The following MRPS30 variants were observed in gnomAD, a reference collection of about 807,000 sequenced individuals.
The protein encoded by MRPS30 is mitochondrial ribosomal protein S30, also known as large ribosomal subunit protein mL65.
Under a neutral mutation model 43.8 loss-of-function variants are expected in MRPS30, and 42 were observed. The ratio of observed to expected loss-of-function variants is 0.96; its 90% CI spans 0.75 to 1.24. The LOEUF is 1.24. Among genes scored for constraint, MRPS30 ranks in the 50% most tolerant of loss-of-function variants. The pLI is 0.00. For synonymous variants in MRPS30, 273 were observed against 228.2 expected, an observed-to-expected ratio of 1.20 and a Z score of -1.77; for missense variants, 638 against 570.0, an observed-to-expected ratio of 1.12 and a Z score of -1.22.
At chr5:44,812,132 T>C (rs1402873473) in intron 3 of MRPS30, 112 bp downstream of exon 3, 3 of 676,508 alleles carry the variant, frequency 4.4e-6, no homozygotes, top group Non-Finnish European at 7.5e-6. Context: ...GAGGTTTACA[T>C]AGTCTATGAG....
chr5:44,813,084 A>G (rs1174095293), intron 3 of MRPS30, 22 bp from the exon 4 acceptor site: 4 of 1,605,432 alleles, frequency 2.5e-6, no homozygotes, highest in Non-Finnish European at 2.5e-6. Context: ...TTCATCTGAA[A>G]TGTTTTTATT....
At chr5:44,814,829 G>T in intron 4 of MRPS30, 84 bp from the exon 5 acceptor site, 9 of 1,279,790 alleles carry the variant, frequency 7.0e-6, no homozygotes, top group South Asian at 1.5e-5. Context: ...GGAGGTATTT[G>T]ATACCCTCTA....
chr5:44,811,900 T>G lies in MRPS30; in HGVS notation c.748-15T>G. On this transcript the variant is annotated splice_polypyrimidine_tract_variant and intron_variant, in intron 2 of 4. Coordinates refer to ENST00000507110, the MANE Select transcript of MRPS30 (RefSeq NM_016640.4). The stretch of plus-strand genomic sequence containing the variant: ...TGTTGCTGTGAATTTAGTATGTCTT[T>G]TCTTTTTCTTTAAGTTTGTGCCATT... 6.9e-7 allele frequency: 1 copy of G among 1,445,238 alleles called. No homozygotes were observed. Among genetic ancestry groups the G allele is most frequent in the Non-Finnish European group, 9.4e-7 (1 of 1,065,614 alleles). 89.5% of individuals were successfully genotyped at this position (1,445,238 alleles called of 1,614,324 possible).
At chr5:44,812,438 G>C (rs1742859393) in intron 3 of MRPS30, among the ~76,000 whole-genome samples, 1 of 152,010 alleles carries the variant, frequency 6.6e-6, no homozygotes, top group Non-Finnish European at 1.5e-5. Context: ...CCCTCATGCA[G>C]CTTATTTTTT....
chr5:44,812,412 G>A (rs1347132222), intron 3 of MRPS30, among the ~76,000 whole-genome samples: 2 of 152,060 alleles, frequency 1.3e-5, no homozygotes, highest in African/African-American at 4.8e-5. Context: ...AATTCATAAT[G>A]TCTGATGTCT....
chr5:44,808,985 G>A lies in MRPS30; in HGVS notation c.23G>A (p.Arg8Lys). 2 of 1,605,564 alleles carry A rather than the reference G, an allele frequency of 1.2e-6. No individual in the cohort carries two copies. Among genetic ancestry groups the A allele is most frequent in the Admixed American group, 1.7e-5 (1 of 59,140 alleles). The change falls in exon 1 of 5, where the codon AGG becomes AAG. Residue 8 changes from arginine (R) to lysine (K), a missense_variant. Coordinates refer to ENST00000507110, the MANE Select transcript of MRPS30 (RefSeq NM_016640.4). ...AAGATGGCGGCGGCCAGGTGTTGGA[G>A]GCCTTTGCTACGCGGTCCGAGGCTT... MAAARCW[R>K]PLLRGPRLSL...
In MRPS30 at chr5:44,815,297, G is replaced by T; in HGVS notation, c.*95G>T. 9.0e-7 allele frequency: 1 copy of T among 1,109,470 alleles called. No homozygotes were observed. Among genetic ancestry groups the T allele is most frequent in the South Asian group, 1.7e-5 (1 of 57,814 alleles). 68.7% of individuals were successfully genotyped at this position (1,109,470 alleles called of 1,614,324 possible). A position where few individuals can be genotyped will look rare whatever the true frequency, so the allele number is the denominator to read the frequency against. On this transcript the variant is annotated 3_prime_UTR_variant, in exon 5 of 5. Coordinates refer to ENST00000507110, the MANE Select transcript of MRPS30 (RefSeq NM_016640.4). ...GTAACTGTCAACTATTAAATACATT[G>T]ATTTTTGAGACAAATATTTCTTATG...
Position 44,811,158 on chromosome 5 carries a change from A to T in MRPS30, c.747+4A>T, listed in dbSNP as rs1039611688. On this transcript the variant is annotated splice_donor_region_variant and intron_variant, in intron 2 of 4. Transcript: ENST00000507110. ...AATATCCAAGCAACTCGCAGAGGTA[A>T]GGATTTATTGCGATTATGTATCTAT... The T allele has an allele frequency of 6.2e-7, 1 of 1,613,826 alleles. No homozygotes were observed. The highest frequency in any genetic ancestry group is 8.5e-7 in the Non-Finnish European group (1 of 1,179,764).
At position 44,815,160 on chromosome 5, in the gene MRPS30, G is replaced by A; in HGVS notation, c.1278G>A (p.Leu426=). 6.2e-7 allele frequency: 1 copy of A among 1,605,740 alleles called. No individual in the cohort carries two copies. Among genetic ancestry groups the A allele is most frequent in the Non-Finnish European group, 8.5e-7 (1 of 1,177,464 alleles). Residue 426 remains leucine, a synonymous_variant, in exon 5 of 5, where the codon CTG becomes CTA. Transcript: ENST00000507110. ...DVLLQIVHFL[L]NRPKEEKSQL... ...TACTTCAGATAGTTCACTTTCTACT[G>A]AATAGACCAAAAGAAGAAAAATCAC... is the stretch of plus-strand genomic sequence containing the variant.
At chr5:44,812,120 G>C in intron 3 of MRPS30, 100 bp downstream of exon 3, 1 of 789,120 alleles carries the variant, frequency 1.3e-6, no homozygotes, top group Middle Eastern at 2.5e-4. Flanking sequence ...CTCGAAGACC[G>C]AGAGGTTTAC....
chr5:44,812,032 T>G lies in MRPS30; in HGVS notation c.853+12T>G. 1 of 1,531,168 alleles carries G rather than the reference T, an allele frequency of 6.5e-7. No homozygotes were observed. The highest frequency in any genetic ancestry group is 1.2e-5 in the South Asian group (1 of 85,042). The allele number at this position is 1,531,168 out of a possible 1,614,324, so 94.8% of individuals were successfully genotyped here. A position where few individuals can be genotyped will look rare whatever the true frequency, so the allele number is the denominator to read the frequency against. On this transcript the variant is annotated intron_variant, in intron 3 of 4. Coordinates refer to ENST00000507110, the MANE Select transcript of MRPS30 (RefSeq NM_016640.4). ...CCACATATTTGTTGGTAAGTTTCTCTTTTGACATATTGTACCATAAATGTG... is the reference window on the plus strand; with the variant it reads ...CCACATATTTGTTGGTAAGTTTCTCGTTTGACATATTGTACCATAAATGTG...
chr5:44,815,026 C>G lies in MRPS30; in HGVS notation c.1144C>G (p.Gln382Glu). The G allele has an allele frequency of 6.2e-7, 1 of 1,613,828 alleles. No individual in the cohort carries two copies. ...YQLNTLALTT[Q>E]ADQNNPRKNI... is the part of the protein sequence containing the mutation. Reference sequence around the variant, plus strand: ...GCTAAATACTTTGGCACTGACTACACAAGCTGATCAAAATAACCCTCGTAA... The same window carrying G: ...GCTAAATACTTTGGCACTGACTACAGAAGCTGATCAAAATAACCCTCGTAA... Residue 382 changes from glutamine (Q) to glutamate (E), a missense_variant, in exon 5 of 5, where the codon CAA (glutamine) becomes GAA (glutamate). By Grantham distance (29) the Gln-to-Glu change is conservative. Transcript: ENST00000507110.
At chr5:44,813,526 C>T (rs1423094000) in intron 4 of MRPS30, 5 of 323,480 alleles carry the variant, frequency 1.5e-5, no homozygotes, top group Non-Finnish European at 2.8e-5. Context: ...TACTTTTGCA[C>T]ACATTCCAAA....
rs1579859594 is a variant in MRPS30 at position 44,815,433 on chromosome 5, A to G, written c.*231A>G. 1.3e-5 allele frequency: 5 copies of G among 385,612 alleles called. No individual in the cohort carries two copies. Among genetic ancestry groups the G allele is most frequent in the Admixed American group, 4.3e-5 (1 of 23,490 alleles). 23.9% of individuals were successfully genotyped at this position (385,612 alleles called of 1,614,324 possible). On this transcript the variant is annotated 3_prime_UTR_variant, in exon 5 of 5. Transcript: ENST00000507110. ...TTGCATTTGTATATTGCTAACTGAT[A>G]AGACAAATTGAGTTATTGAGCTATT...
intron 1 of MRPS30, 177 bp downstream of exon 1, chr5:44,809,740 G>C (rs1242531284): frequency 1.5e-6 from 1 of 665,972 alleles, no homozygotes; most frequent in Non-Finnish European, 2.5e-6. Flanking sequence ...TAGGAATCTA[G>C]AGACTAGGTG....
At chr5:44,813,330 C>A in intron 4 of MRPS30, 48 bp downstream of exon 4, 1 of 1,469,988 alleles carries the variant, frequency 6.8e-7, no homozygotes, top group Non-Finnish European at 9.1e-7. Flanking sequence ...TTGTAACATT[C>A]TAAGAATATA....
intron 4 of MRPS30, among the ~76,000 whole-genome samples, chr5:44,814,089 GAAC>G (rs1345731826): frequency 1.3e-5 from 2 of 152,084 alleles, no homozygotes; most frequent in African/African-American, 2.4e-5. Context: ...AAATATTTAG[GAAC>G]AACATGAAGG....
chr5:44,813,031 C>A, intron 3 of MRPS30, 75 bp from the exon 4 acceptor site: 1 of 1,448,894 alleles, frequency 6.9e-7, no homozygotes, highest in South Asian at 1.3e-5. Flanking sequence ...AAAAAAAAGG[C>A]TCAAATACTA....
chr5:44,811,602 T>C (rs993629753), intron 2 of MRPS30, among the ~76,000 whole-genome samples: 1 of 152,200 alleles, frequency 6.6e-6, no homozygotes, highest in African/African-American at 2.4e-5. Flanking sequence ...TGACACACTT[T>C]TTCTGTAAAG....
Sources: gnomAD v4.1 joint callset for allele counts (sites outside exome capture counted in the v4.1 genomes callset) on GRCh38, gnomAD v4.1.1 for gene constraint, MANE v1.5 for transcripts, NCBI Gene and HGNC (gene_info 2026-07-23, HGNC 2026-07-21) for gene names.